Variants in CA6 observed in about 807,000 individuals in gnomAD.
CA6 encodes the protein carbonate dehydratase VI.
CA6 carries 28 observed loss-of-function variants against 35.9 expected under a neutral mutation model. That is an observed-to-expected ratio of 0.78 (90% confidence interval 0.58 to 1.07). The LOEUF (loss-of-function observed/expected upper bound fraction) is 1.07. Ranked by LOEUF, CA6 falls within the 50% of genes least tolerant of loss-of-function variation. The probability of loss-of-function intolerance (pLI) is 0.00; values close to 1 mark genes in which losing one functional copy is unlikely to be tolerated. For synonymous variants in CA6, 148 were observed against 152.6 expected (o/e 0.97, Z 0.22); for missense variants, 377 against 382.0 (o/e 0.99, Z 0.11).
intron 1 of CA6, among the ~76,000 whole-genome samples, chr1:8,946,535 C>T (rs768382694): frequency 5.9e-5 from 9 of 152,058 alleles, no homozygotes; most frequent in Non-Finnish European, 1.2e-4. Context: ...AGGCTTTTTG[C>T]TTTAAATTTT....
At chr1:8,970,837 C>G in intron 6 of CA6, 30 bp from the exon 7 acceptor site, 1 of 1,305,056 alleles carries the variant, frequency 7.7e-7, no homozygotes, top group South Asian at 1.2e-5. Context: ...GTGACTCTTC[C>G]CCTCCATAAT....
chr1:8,955,616 G>GCCTCCTTTTAAGGCCCTCC (rs1557623798), intron 2 of CA6, among the ~76,000 whole-genome samples: 1 of 150,118 alleles, frequency 6.7e-6, no homozygotes, highest in African/African-American at 2.5e-5. Flanking sequence ...CACTGACCTT[G>GCCTCCTTTTAAGGCCCTCC]CACGCCTCCT....
At chr1:8,946,805 G>GTTTTTTTTTTTTTTTTTTTTTTTTT (rs60046591) in intron 1 of CA6, among the ~76,000 whole-genome samples, 1 of 102,042 alleles carries the variant, frequency 9.8e-6, no homozygotes, top group Non-Finnish European at 2.0e-5. Flanking sequence ...TTTTTTTTTT[G>GTTTTTTTTTTTTTTTTTTTTTTTTT]TTTTTTTTTT....
At position 8,957,041 on chromosome 1, in the gene CA6, A is replaced by C. The variant is rs992984835; in HGVS notation, c.260-96A>C. ...TATGGTATTGGCTTGCCCTGGGCTC[A>C]GACAGGTGGGAGGTGAGCAGAGAAG... is the stretch of plus-strand genomic sequence containing the variant. On this transcript the variant is annotated intron_variant, in intron 2 of 7. Transcript: ENST00000377443. 7.0e-6 allele frequency: 8 copies of C among 1,143,330 alleles called. No homozygotes were observed. In the Admixed American group the frequency reaches 2.1e-4, roughly 30 times the overall value. The allele number at this position is 1,143,330 out of a possible 1,614,324, so 70.8% of individuals were successfully genotyped here.
At chr1:8,969,011 C>T (rs1038692642) in intron 6 of CA6, among the ~76,000 whole-genome samples, 1 of 144,808 alleles carries the variant, frequency 6.9e-6, no homozygotes, top group Non-Finnish European at 1.5e-5. Context: ...GAGCAAAACC[C>T]TGTCTCAAAA....
Position 8,957,203 on chromosome 1 carries a change from A to G in CA6, c.326A>G (p.Gln109Arg). 1.2e-6 allele frequency: 2 copies of G among 1,614,098 alleles called. No individual in the cohort carries two copies. The change falls in exon 3 of 8, where the codon CAG (glutamine) becomes CGG (arginine). Residue 109 changes from glutamine (Q) to arginine (R), a missense_variant. Transcript: ENST00000377443. ...VADGTVYIAQ[Q>R]MHFHWGGASS... is the part of the protein sequence containing the mutation. ...GACGGCACTGTATACATAGCCCAGC[A>G]GATGCACTTTCACTGGGGAGGTGCG... is the stretch of plus-strand genomic sequence containing the variant.
rs929095854 is a variant in CA6, at chr1:8,951,651, G to A, written c.259+2209G>A. On this transcript the variant is annotated intron_variant, in intron 2 of 7. Coordinates refer to ENST00000377443, the MANE Select transcript of CA6 (RefSeq NM_001215.4). ...AAGAGCCCAGCTTCCCAAGGGGCTT[G>A]CAGCGGCTCCCGCCTCCCAATTTCC... 2.1e-5 allele frequency: 16 copies of A among 765,060 alleles called. 1 individual carries two copies. In the African/African-American group the frequency reaches 2.5e-4, roughly 12 times the overall value. 47.4% of individuals were successfully genotyped at this position (765,060 alleles called of 1,614,324 possible). A position where few individuals can be genotyped will look rare whatever the true frequency, so the allele number is the denominator to read the frequency against.
chr1:8,973,269 C>T (rs1167267080), intron 7 of CA6, among the ~76,000 whole-genome samples: 1 of 152,058 alleles, frequency 6.6e-6, no homozygotes, highest in Non-Finnish European at 1.5e-5. Flanking sequence ...ATCCGCCTGC[C>T]CGGCCTCCCA....
At chr1:8,969,381 T>C (rs1416836069) in intron 6 of CA6, among the ~76,000 whole-genome samples, 1 of 151,768 alleles carries the variant, frequency 6.6e-6, no homozygotes, top group African/African-American at 2.4e-5. Flanking sequence ...GAGAGAGAAT[T>C]AGTAAATTGG....
chr1:8,946,116 C>T (rs1639357393), intron 1 of CA6, 151 bp downstream of exon 1: 2 of 589,428 alleles, frequency 3.4e-6, no homozygotes, highest in Non-Finnish European at 6.0e-6. Context: ...TGGCTCACTG[C>T]AACCTCCGCC....
chr1:8,950,020 C>T (rs2124231300), intron 2 of CA6, among the ~76,000 whole-genome samples: 1 of 152,136 alleles, frequency 6.6e-6, no homozygotes, highest in East Asian at 1.9e-4. Context: ...CACTCTGTTG[C>T]CCAGGCTGGA....
rs768641352 is a variant in CA6, at chr1:8,951,713, C to T, written c.259+2271C>T. 1.1e-5 allele frequency: 8 copies of T among 759,464 alleles called. No homozygotes were observed. The East Asian group carries it at 1.9e-4, about 18-fold the overall frequency. 47.0% of individuals were successfully genotyped at this position (759,464 alleles called of 1,614,324 possible). On this transcript the variant is annotated intron_variant, in intron 2 of 7. Coordinates refer to ENST00000377443, the MANE Select transcript of CA6 (RefSeq NM_001215.4). The stretch of plus-strand genomic sequence containing the variant: ...TACCTTCTTCCTTTAGGGCTCTGCT[C>T]AAATTTCTGTGGTCCGGAAGCCTGT...
chr1:8,949,198 T>A, intron 1 of CA6, 65 bp from the exon 2 acceptor site: 1 of 1,319,834 alleles, frequency 7.6e-7, no homozygotes, highest in East Asian at 2.6e-5. Context: ...GCCTCTGGCC[T>A]GGTGAGGTTC....
chr1:8,951,560 T>C (rs758504109), intron 2 of CA6: 6 of 765,178 alleles, frequency 7.8e-6, no homozygotes, highest in South Asian at 5.4e-5. Context: ...AGGATCTCTA[T>C]GGGCAACGCT....
chr1:8,968,766 A>G (rs1335276144), intron 6 of CA6, among the ~76,000 whole-genome samples: 1 of 152,200 alleles, frequency 6.6e-6, no homozygotes, highest in Non-Finnish European at 1.5e-5. Context: ...CTGTAATCCC[A>G]GCACTTTGGG....
chr1:8,949,517 C>A, intron 2 of CA6, 75 bp downstream of exon 2: 1 of 1,278,956 alleles, frequency 7.8e-7, no homozygotes, highest in Non-Finnish European at 1.1e-6. Context: ...CGTGTCCCTG[C>A]CAGGAATGGC....
chr1:8,959,316 T>C (rs1331868928), intron 4 of CA6, among the ~76,000 whole-genome samples: 1 of 124,384 alleles, frequency 8.0e-6, no homozygotes, highest in Non-Finnish European at 1.7e-5. Flanking sequence ...CTGCATTTCC[T>C]TTTTTTTTTT....
At chr1:8,958,133 C>T (rs1033821804) in intron 3 of CA6, among the ~76,000 whole-genome samples, 36 of 152,080 alleles carry the variant, frequency 2.4e-4, no homozygotes, top group African/African-American at 8.7e-4. Context: ...GGCAAGCCCT[C>T]CTTTGTTTCA....
chr1:8,951,538 A>T (rs546625535), intron 2 of CA6: 10 of 765,206 alleles, frequency 1.3e-5, no homozygotes, highest in Non-Finnish European at 2.2e-5. Flanking sequence ...GGTGGGAAGC[A>T]ATCATTGATG....
Sources: gnomAD v4.1 joint callset for allele counts (sites outside exome capture counted in the v4.1 genomes callset) on GRCh38, gnomAD v4.1.1 for gene constraint, MANE v1.5 for transcripts, NCBI Gene and HGNC (gene_info 2026-07-23, HGNC 2026-07-21) for gene names.